TMEM144: variants seen among roughly 807,000 people sequenced by gnomAD.
TMEM144 encodes transmembrane protein 144.
Under a neutral mutation model 43.6 loss-of-function variants are expected in TMEM144, and 39 were observed. The ratio of observed to expected loss-of-function variants is 0.90; its 90% CI spans 0.69 to 1.17. The LOEUF is 1.17. Ranked by LOEUF, TMEM144 falls within the 50% of genes most tolerant of loss-of-function variation. The pLI, the probability that TMEM144 is intolerant of heterozygous loss-of-function variation, is 0.00. For missense variants in TMEM144, 417 were observed against 411.9 expected, an observed-to-expected ratio of 1.01 and a Z score of -0.11; for synonymous variants, 154 against 133.6, an observed-to-expected ratio of 1.15 and a Z score of -1.06.
intron 6 of TMEM144, among the ~76,000 whole-genome samples, chr4:158,221,235 C>T (rs374884899): frequency 6.6e-6 from 1 of 151,972 alleles, no homozygotes; most frequent in African/African-American, 2.4e-5. Flanking sequence ...TTGCAAGACC[C>T]AGTTGAGCAA....
intron 6 of TMEM144, among the ~76,000 whole-genome samples, chr4:158,225,650 C>T (rs1021882478): frequency 6.6e-6 from 1 of 152,214 alleles, no homozygotes; most frequent in African/African-American, 2.4e-5. Context: ...GACTAAAGCA[C>T]AAGTGCCATG....
At chr4:158,212,558 T>A in intron 2 of TMEM144, 50 bp from the exon 3 acceptor site, 1 of 741,256 alleles carries the variant, frequency 1.3e-6, no homozygotes, top group East Asian at 2.7e-5. Flanking sequence ...TTAATCACAA[T>A]TTGGTCACAG....
At chr4:158,250,687 T>A (rs1447330781) in intron 12 of TMEM144, among the ~76,000 whole-genome samples, 2 of 152,196 alleles carry the variant, frequency 1.3e-5, no homozygotes, top group Non-Finnish European at 2.9e-5. Context: ...TTGCATGGCC[T>A]GGCTGTAGGA....
At chr4:158,252,858 C>A (rs1405293740) in intron 12 of TMEM144, among the ~76,000 whole-genome samples, 1 of 150,472 alleles carries the variant, frequency 6.6e-6, no homozygotes, top group Non-Finnish European at 1.5e-5. Context: ...CAAAGCATAA[C>A]AAGTGCTCAG....
chr4:158,241,440 TTGTAGCTCAG>T, intron 10 of TMEM144, 59 bp from the exon 11 acceptor site: 1 of 1,148,796 alleles, frequency 8.7e-7, no homozygotes. Flanking sequence ...GATATTCCTG[TTGTAGCTCAG>T]TGTGAGTTCT....
rs1306254474 is a variant in TMEM144 at position 158,217,314 on chromosome 4, T to A, written c.233-7T>A. The A allele has an allele frequency of 1.9e-6, 3 of 1,584,896 alleles. No homozygotes were observed. The African/African-American group carries it at 4.0e-5, about 21-fold the overall frequency. On this transcript the variant is annotated splice_region_variant and splice_polypyrimidine_tract_variant and intron_variant, in intron 4 of 12. Coordinates refer to ENST00000296529, the MANE Select transcript of TMEM144 (RefSeq NM_018342.5). ...TAACATGTTTCTTCTGTATATTACA[T>A]CTACAGGGAACATTGCTGTTGTCCC...
intron 4 of TMEM144, among the ~76,000 whole-genome samples, 175 bp from the exon 5 acceptor site, chr4:158,217,146 C>T (rs1241134474): frequency 6.6e-6 from 1 of 152,126 alleles, no homozygotes; most frequent in Non-Finnish European, 1.5e-5. Flanking sequence ...CACACATACT[C>T]ATAAATTTAA....
rs567777286 is a variant in TMEM144 at position 158,235,658 on chromosome 4, C to A, written c.563+153C>A. On this transcript the variant is annotated intron_variant, in intron 8 of 12. Coordinates refer to ENST00000296529, the MANE Select transcript of TMEM144 (RefSeq NM_018342.5). The stretch of plus-strand genomic sequence containing the variant: ...TCCATGCGGCGAGGTTTTTTTGTCC[C>A]CAGCTGAATTTTAGGTACAGATGCC... 15 of 661,528 alleles carry A rather than the reference C, an allele frequency of 2.3e-5. No individual in the cohort carries two copies. In the African/African-American group the frequency reaches 2.4e-4, roughly 10 times the overall value. 41.0% of individuals were successfully genotyped at this position (661,528 alleles called of 1,614,324 possible).
At chr4:158,244,799 A>G (rs1382210766) in intron 12 of TMEM144, among the ~76,000 whole-genome samples, 1 of 152,192 alleles carries the variant, frequency 6.6e-6, no homozygotes, top group Non-Finnish European at 1.5e-5. Context: ...GACAGATAAA[A>G]TGTTCAGAAT....
chr4:158,233,018 A>G, intron 7 of TMEM144, 36 bp downstream of exon 7: 1 of 1,467,762 alleles, frequency 6.8e-7, no homozygotes, highest in Middle Eastern at 1.8e-4. Flanking sequence ...GATTTGAAAC[A>G]TAAAATTAAG....
Position 158,217,070 on chromosome 4 carries a change from C to A in TMEM144, c.233-251C>A, listed in dbSNP as rs58371944. On this transcript the variant is annotated intron_variant, in intron 4 of 12. Transcript: ENST00000296529. ...AGAGAGCTATGCTAAGGGAGAGAAA[C>A]CTCTGTACAATTAGGAATTCAACAC... 5.3e-5 allele frequency among the ~76,000 whole-genome samples: 8 copies of A among 152,204 alleles called. No homozygotes were observed. In the East Asian group the frequency reaches 1.2e-3, roughly 22 times the overall value.
At chr4:158,213,468 GTAC>G (rs1734067166) in intron 3 of TMEM144, 1 of 152,244 alleles carries the variant, frequency 6.6e-6, no homozygotes, top group Non-Finnish European at 1.5e-5. Context: ...AGTTAAAACT[GTAC>G]TACTATTTTA....
At chr4:158,245,002 T>G (rs189055561) in intron 12 of TMEM144, among the ~76,000 whole-genome samples, 17 of 150,934 alleles carry the variant, frequency 1.1e-4, no homozygotes, top group Admixed American at 7.3e-4. Context: ...GATGAAAGAT[T>G]TTTTTTTTAT....
At chr4:158,243,445 T>G (rs1735722011) in intron 11 of TMEM144, among the ~76,000 whole-genome samples, 1 of 152,160 alleles carries the variant, frequency 6.6e-6, no homozygotes, top group Non-Finnish European at 1.5e-5. Context: ...AAAAACATTT[T>G]GGAATCTATT....
intron 3 of TMEM144, chr4:158,213,702 T>G (rs1734077030): frequency 1.3e-5 from 2 of 152,206 alleles, no homozygotes; most frequent in African/African-American, 4.8e-5. Flanking sequence ...GGTGAACACA[T>G]GTTGGGAATT....
chr4:158,247,993 G>A (rs1450015618), intron 12 of TMEM144, among the ~76,000 whole-genome samples: 1 of 151,422 alleles, frequency 6.6e-6, no homozygotes, highest in East Asian at 1.9e-4. Flanking sequence ...AGCTAGGCCA[G>A]TTTTCTTATA....
At chr4:158,229,849 C>T (rs1373260040) in intron 6 of TMEM144, among the ~76,000 whole-genome samples, 2 of 152,210 alleles carry the variant, frequency 1.3e-5, no homozygotes, top group Non-Finnish European at 2.9e-5. Flanking sequence ...TCCCTGGCTC[C>T]GGCAGTGGAA....
chr4:158,228,405 C>T (rs1167023029), intron 6 of TMEM144, among the ~76,000 whole-genome samples: 1 of 152,028 alleles, frequency 6.6e-6, no homozygotes, highest in Non-Finnish European at 1.5e-5. Flanking sequence ...ATCAAAGTGC[C>T]GATAAGGGCA....
chr4:158,244,757 A>G (rs1735804560), intron 12 of TMEM144, among the ~76,000 whole-genome samples: 1 of 152,212 alleles, frequency 6.6e-6, no homozygotes, highest in Non-Finnish European at 1.5e-5. Flanking sequence ...TGTGGTGCCT[A>G]GGTCCAGGGC....
Sources: gnomAD v4.1 joint callset for allele counts (sites outside exome capture counted in the v4.1 genomes callset) on GRCh38, gnomAD v4.1.1 for gene constraint, MANE v1.5 for transcripts, NCBI Gene and HGNC (gene_info 2026-07-23, HGNC 2026-07-21) for gene names.